The following KAT2B variants were observed in gnomAD, a reference collection of about 807,000 sequenced individuals.
The protein encoded by KAT2B is histone acetyltransferase KAT2B.
A neutral mutation model predicts 105.9 loss-of-function variants in KAT2B; 36 were observed. The observed-to-expected ratio is 0.34, with a 90% CI of 0.26 to 0.45. The LOEUF (loss-of-function observed/expected upper bound fraction) is 0.45, where lower values mean the gene tolerates loss of function less well. KAT2B is among the 20% of genes least tolerant of loss of function. The probability of loss-of-function intolerance (pLI) is 1.00; values close to 1 mark genes in which losing one functional copy is unlikely to be tolerated. For missense variants in KAT2B, 820 were observed against 1,021.6 expected, an observed-to-expected ratio of 0.80 and a Z score of 2.69; for synonymous variants, 397 against 377.9, an observed-to-expected ratio of 1.05 and a Z score of -0.59.
chr3:20,052,235 T>C (rs1478433460), intron 1 of KAT2B, among the ~76,000 whole-genome samples: 1 of 152,244 alleles, frequency 6.6e-6, no homozygotes, highest in Non-Finnish European at 1.5e-5. Context: ...TATAATCTTA[T>C]CTTGTTTTGT....
At chr3:20,134,749 T>C (rs1255725283) in intron 11 of KAT2B, among the ~76,000 whole-genome samples, 1 of 152,102 alleles carries the variant, frequency 6.6e-6, no homozygotes, top group African/African-American at 2.4e-5. Context: ...AATATATCAC[T>C]CTGTACAAAT....
chr3:20,121,729 CATATGTGTGTGTGTGTGTGTGTGTGT>C (rs1305254978), intron 8 of KAT2B, among the ~76,000 whole-genome samples: 1 of 120,290 alleles, frequency 8.3e-6, no homozygotes, highest in Non-Finnish European at 1.7e-5. Context: ...TACACATATG[CATATGTGTGTGTGTGTGTGTGTGTGT>C]GTGTGTGTGT....
intron 2 of KAT2B, among the ~76,000 whole-genome samples, chr3:20,078,571 A>C (rs1007583572): frequency 3.3e-5 from 5 of 150,858 alleles, no homozygotes; most frequent in African/African-American, 1.2e-4. Flanking sequence ...GTAGAGACGG[A>C]TTTTGTTATA....
chr3:20,056,103 G>T (rs900090121), intron 1 of KAT2B, among the ~76,000 whole-genome samples: 3 of 152,180 alleles, frequency 2.0e-5, no homozygotes, highest in African/African-American at 7.2e-5. Flanking sequence ...CCCTCTGGCT[G>T]CTCTGAGAAG....
intron 3 of KAT2B, among the ~76,000 whole-genome samples, chr3:20,099,431 C>G (rs1311316158): frequency 6.6e-6 from 1 of 152,162 alleles, no homozygotes; most frequent in African/African-American, 2.4e-5. Flanking sequence ...ATAAGATCCT[C>G]TAGAGCTTCA....
At chr3:20,150,769 C>T (rs865793639) in intron 17 of KAT2B, among the ~76,000 whole-genome samples, 47 of 152,264 alleles carry the variant, frequency 3.1e-4, no homozygotes, top group Admixed American at 5.9e-4. Context: ...TGCTTTGTTT[C>T]TGCTGCATTT....
intron 13 of KAT2B, among the ~76,000 whole-genome samples, chr3:20,146,026 C>T (rs1047405299): frequency 1.3e-5 from 2 of 152,282 alleles, no homozygotes; most frequent in Non-Finnish European, 2.9e-5. Context: ...ATAATTGGCT[C>T]TTATGCTACA....
In KAT2B at chr3:20,153,692, G is replaced by A. The variant is rs2125204191; in HGVS notation, c.*1167G>A. 1 of 152,652 alleles carries A rather than the reference G, an allele frequency of 6.6e-6. No individual in the cohort carries two copies. The highest frequency in any genetic ancestry group is 2.4e-5 in the African/African-American group (1 of 41,548). 9.5% of individuals were successfully genotyped at this position (152,652 alleles called of 1,614,324 possible). On this transcript the variant is annotated 3_prime_UTR_variant, in exon 18 of 18. Transcript: ENST00000263754. ...CACTACATAGAAAAGTGAGACATCT[G>A]CCATTCCCAACTCTGGGAAAACCAA...
intron 2 of KAT2B, among the ~76,000 whole-genome samples, chr3:20,088,677 C>T (rs9868770): frequency 0.012 from 1,759 of 152,252 alleles, 27 homozygotes; most frequent in African/African-American, 0.039. Context: ...AAAATGTTCT[C>T]TTCCATTCCA....
At chr3:20,109,060 G>T (rs1699073914) in intron 5 of KAT2B, among the ~76,000 whole-genome samples, 1 of 152,018 alleles carries the variant, frequency 6.6e-6, no homozygotes, top group Non-Finnish European at 1.5e-5. Context: ...GTTTGTGTAG[G>T]TACACTCTCC....
chr3:20,061,927 C>CAATATATATT (rs1559513812), intron 1 of KAT2B, among the ~76,000 whole-genome samples: 18 of 96,128 alleles, frequency 1.9e-4, no homozygotes, highest in African/African-American at 6.8e-4. Flanking sequence ...TATTATATAT[C>CAATATATATT]ATATATAAAA....
chr3:20,085,640 C>T lies in KAT2B; in HGVS notation c.431-9623C>T, dbSNP rs200632861. 4.6e-5 allele frequency among the ~76,000 whole-genome samples: 7 copies of T among 151,360 alleles called. No homozygotes were observed. The East Asian group carries it at 1.4e-3, about 29-fold the overall frequency. ...ATTCTCTTGCCTCAGCCTCCCGAGT[C>T]GCTGGGACTACTGGCATGCACCACC... On this transcript the variant is annotated intron_variant, in intron 2 of 17. Coordinates refer to ENST00000263754, the MANE Select transcript of KAT2B (RefSeq NM_003884.5).
chr3:20,061,986 T>TAATATATATTATATATAAAAC (rs1222612772), intron 1 of KAT2B, among the ~76,000 whole-genome samples: 1,036 of 74,704 alleles, frequency 0.014, 44 homozygotes, highest in Middle Eastern at 0.031. Flanking sequence ...ATATAAAACA[T>TAATATATATTATATATAAAAC]ATAATATATA....
In KAT2B at chr3:20,131,813, C is replaced by T. The variant is rs192095565; in HGVS notation, c.1749+4264C>T. On this transcript the variant is annotated intron_variant, in intron 11 of 17. Coordinates refer to ENST00000263754, the MANE Select transcript of KAT2B (RefSeq NM_003884.5). ...TCCTGGTCTCAAGAGATCCTCCCTC[C>T]TTGGCCCCCCAAAGTGCTGAGATTA... Among the ~76,000 whole-genome samples, 512 of 152,132 alleles carry T rather than the reference C, an allele frequency of 3.4e-3. 2 individuals carry two copies. The highest frequency in any genetic ancestry group is 5.7e-3 in the Non-Finnish European group (389 of 67,982).
Position 20,040,469 on chromosome 3 carries a change from C to T in KAT2B, c.-9C>T, listed in dbSNP as rs1697690177. On this transcript the variant is annotated 5_prime_UTR_variant, in exon 1 of 18. Transcript: ENST00000263754. ...ACACTCGGCGCCTCCTGCCGTGCTC[C>T]GGGGCGGCATGTCCGAGGCTGGCGG... The T allele has an allele frequency of 4.7e-6, 5 of 1,068,278 alleles. No individual in the cohort carries two copies. Among genetic ancestry groups the T allele is most frequent in the East Asian group, 6.4e-5 (1 of 15,678 alleles). 66.2% of individuals were successfully genotyped at this position (1,068,278 alleles called of 1,614,324 possible). A position where few individuals can be genotyped will look rare whatever the true frequency, so the allele number is the denominator to read the frequency against.
At chr3:20,069,165 A>G (rs1299790494) in intron 1 of KAT2B, among the ~76,000 whole-genome samples, 1 of 152,242 alleles carries the variant, frequency 6.6e-6, no homozygotes, top group African/African-American at 2.4e-5. Flanking sequence ...GAGAGCACCC[A>G]GTGAAGAGTA....
chr3:20,129,958 A>T (rs1261890266), intron 11 of KAT2B, among the ~76,000 whole-genome samples: 2 of 151,504 alleles, frequency 1.3e-5, no homozygotes, highest in Non-Finnish European at 2.9e-5. Flanking sequence ...TGGTCACAGT[A>T]CCCATTTTTT....
At chr3:20,082,538 A>C (rs1452896701) in intron 2 of KAT2B, among the ~76,000 whole-genome samples, 1 of 152,160 alleles carries the variant, frequency 6.6e-6, no homozygotes, top group Non-Finnish European at 1.5e-5. Context: ...AGTTTTCTTT[A>C]ATCTGGAGTT....
chr3:20,102,142 C>A (rs1210932694), intron 5 of KAT2B, among the ~76,000 whole-genome samples: 4 of 151,968 alleles, frequency 2.6e-5, no homozygotes, highest in South Asian at 2.1e-4. Flanking sequence ...ATGGTGAAAC[C>A]CCATCTCTAC....
Sources: gnomAD v4.1 joint callset for allele counts (sites outside exome capture counted in the v4.1 genomes callset) on GRCh38, gnomAD v4.1.1 for gene constraint, MANE v1.5 for transcripts, NCBI Gene and HGNC (gene_info 2026-07-23, HGNC 2026-07-21) for gene names.